The following CACNB2 variants were observed in gnomAD, a reference collection of about 807,000 sequenced individuals.
CACNB2 encodes the protein calcium voltage-gated channel auxiliary subunit beta 2, also known as voltage-dependent L-type calcium channel subunit beta-2.
CACNB2 carries 42 observed loss-of-function variants against 73.3 expected under a neutral mutation model. That is an observed-to-expected ratio of 0.57 (90% CI 0.45 to 0.74). CACNB2 has a LOEUF of 0.74. Ranked by LOEUF, CACNB2 falls within the 30% of genes least tolerant of loss-of-function variation. The pLI is 0.00. For synonymous variants in CACNB2, 348 were observed against 310.3 expected, an observed-to-expected ratio of 1.12 and a Z score of -1.28; for missense variants, 940 against 853.0, an observed-to-expected ratio of 1.10 and a Z score of -1.27.
At chr10:18,498,720 T>C in intron 4 of CACNB2, 1 of 493,408 alleles carries the variant, frequency 2.0e-6, no homozygotes, top group East Asian at 3.9e-5. Context: ...GCCCAGAAAT[T>C]GGGAACTGCT....
chr10:18,512,638 A>C (rs556484728), intron 6 of CACNB2, among the ~76,000 whole-genome samples: 7 of 152,288 alleles, frequency 4.6e-5, no homozygotes, highest in African/African-American at 1.4e-4. Context: ...CATCTTTATT[A>C]ATCAAAATAG....
intron 2 of CACNB2, among the ~76,000 whole-genome samples, chr10:18,330,729 C>CAA (rs1395105376): frequency 1.4e-4 from 22 of 151,996 alleles, no homozygotes; most frequent in Admixed American, 8.5e-4. Flanking sequence ...AGTGCAGTGG[C>CAA]ATGATCTCGA....
intron 3 of CACNB2, among the ~76,000 whole-genome samples, chr10:18,422,075 G>A (rs1031455865): frequency 2.0e-5 from 3 of 152,214 alleles, no homozygotes; most frequent in Admixed American, 2.0e-4. Context: ...TTAAGATTTT[G>A]TAATGGTCTA....
intron 2 of CACNB2, among the ~76,000 whole-genome samples, chr10:18,358,510 C>A (rs1300720870): frequency 1.8e-5 from 1 of 55,542 alleles, no homozygotes; most frequent in Non-Finnish European, 4.0e-5. Flanking sequence ...CTCTCTCTCT[C>A]TCTCTCTCTC....
At chr10:18,482,418 T>C (rs2048828129) in intron 3 of CACNB2, among the ~76,000 whole-genome samples, 1 of 152,172 alleles carries the variant, frequency 6.6e-6, no homozygotes, top group Admixed American at 6.6e-5. Flanking sequence ...TTCTGAAACA[T>C]CAACTGACAG....
intron 2 of CACNB2, among the ~76,000 whole-genome samples, chr10:18,303,494 G>C (rs188413685): frequency 3.6e-4 from 55 of 152,128 alleles, no homozygotes; most frequent in African/African-American, 1.2e-3. Context: ...GATAGAGCAA[G>C]GCCCCATCTC....
chr10:18,357,630 C>T (rs1320814134), intron 2 of CACNB2, among the ~76,000 whole-genome samples: 6 of 152,082 alleles, frequency 3.9e-5, no homozygotes, highest in Admixed American at 2.6e-4. Context: ...TACAACTATG[C>T]GAAAAGACTT....
At chr10:18,401,128 G>A (rs2043975069) in intron 2 of CACNB2, 5 of 1,613,892 alleles carry the variant, frequency 3.1e-6, no homozygotes, top group Non-Finnish European at 4.2e-6. Context: ...CGTTTGTGGG[G>A]AGAGGTTATT....
At chr10:18,431,557 G>A (rs1487387287) in intron 3 of CACNB2, among the ~76,000 whole-genome samples, 1 of 152,140 alleles carries the variant, frequency 6.6e-6, no homozygotes, top group East Asian at 1.9e-4. Flanking sequence ...GAAAGTCTAT[G>A]ATATGAAACA....
intron 3 of CACNB2, among the ~76,000 whole-genome samples, chr10:18,492,573 A>G (rs2049503599): frequency 7.0e-6 from 1 of 142,594 alleles, no homozygotes; most frequent in African/African-American, 2.6e-5. Flanking sequence ...GTGCGCCAAG[A>G]TCGCACCACT....
At chr10:18,141,225 G>T (rs1177629596) in intron 1 of CACNB2, 4 of 1,490,004 alleles carry the variant, frequency 2.7e-6, no homozygotes, top group East Asian at 2.5e-5. Context: ...CGTGAGTCCG[G>T]GTGGGCGGGA....
At chr10:18,502,671 C>T (rs1281234488) in intron 5 of CACNB2, among the ~76,000 whole-genome samples, 1 of 110,888 alleles carries the variant, frequency 9.0e-6, no homozygotes, top group Non-Finnish European at 1.7e-5. Flanking sequence ...AGCCTGGCGA[C>T]AGAGCAAGAC....
intron 3 of CACNB2, among the ~76,000 whole-genome samples, chr10:18,402,575 G>A (rs909356339): frequency 2.0e-5 from 3 of 152,120 alleles, no homozygotes; most frequent in Non-Finnish European, 4.4e-5. Context: ...TCTTCTCTTA[G>A]AACATGTTCT....
chr10:18,410,569 G>A (rs1430756241), intron 3 of CACNB2, among the ~76,000 whole-genome samples: 1 of 152,132 alleles, frequency 6.6e-6, no homozygotes, highest in Non-Finnish European at 1.5e-5. Flanking sequence ...ATGGGAGGTA[G>A]GAGAGAAATA....
intron 2 of CACNB2, among the ~76,000 whole-genome samples, chr10:18,169,479 A>C (rs1229021593): frequency 6.6e-6 from 1 of 152,218 alleles, no homozygotes. Context: ...TTTACATTTT[A>C]AAATAAAATG....
At chr10:18,462,820 A>G (rs1450427799) in intron 3 of CACNB2, among the ~76,000 whole-genome samples, 3 of 151,984 alleles carry the variant, frequency 2.0e-5, no homozygotes, top group Non-Finnish European at 4.4e-5. Context: ...GTGCAGTGAC[A>G]CGATCTAGTC....
intron 3 of CACNB2, among the ~76,000 whole-genome samples, chr10:18,414,128 T>A (rs2044795406): frequency 6.6e-6 from 1 of 152,234 alleles, no homozygotes; most frequent in South Asian, 2.1e-4. Flanking sequence ...ACTTGCTTGA[T>A]CTCACAGCAG....
intron 2 of CACNB2, among the ~76,000 whole-genome samples, chr10:18,347,022 C>G (rs2041487858): frequency 6.6e-6 from 1 of 152,284 alleles, no homozygotes; most frequent in Admixed American, 6.5e-5. Context: ...GGGCCATACT[C>G]ATTGATAAAA....
At chr10:18,233,237 C>T (rs1434555616) in intron 2 of CACNB2, among the ~76,000 whole-genome samples, 1 of 152,206 alleles carries the variant, frequency 6.6e-6, no homozygotes, top group Non-Finnish European at 1.5e-5. Context: ...GATTTACTGT[C>T]ATCCCAGAGG....
Sources: allele counts gnomAD v4.1 joint callset (sites outside exome capture counted in the v4.1 genomes callset), GRCh38; gene constraint gnomAD v4.1.1; transcripts MANE v1.5; gene names NCBI Gene and HGNC (gene_info 2026-07-23, HGNC 2026-07-21).